Variants in PLPP3 observed in about 807,000 individuals in gnomAD.
PLPP3 encodes the protein phospholipid phosphatase 3, also known as PAP2 beta.
In PLPP3, 6 loss-of-function variants were observed where a neutral mutation model predicts 29.6. The ratio of observed to expected loss-of-function variants is 0.20; its 90% CI spans 0.11 to 0.40. The LOEUF (loss-of-function observed/expected upper bound fraction) is 0.40. Among genes scored for constraint, PLPP3 ranks in the 10% least tolerant of loss-of-function variants. The pLI is 1.00. For missense variants in PLPP3, 308 were observed against 407.7 expected (o/e 0.76, Z 2.11); for synonymous variants, 152 against 159.7 (o/e 0.95, Z 0.36).
Position 56,496,389 on chromosome 1 carries a change from C to T in PLPP3, c.*162G>A, listed in dbSNP as rs1442716030. The T allele has an allele frequency of 1.0e-5, 8 of 767,240 alleles. No homozygotes were observed. Among genetic ancestry groups the T allele is most frequent in the Non-Finnish European group, 1.6e-5 (8 of 499,284 alleles). 47.5% of individuals were successfully genotyped at this position (767,240 alleles called of 1,614,324 possible). A position where few individuals can be genotyped will look rare whatever the true frequency, so the allele number is the denominator to read the frequency against. On this transcript the variant is annotated 3_prime_UTR_variant, in exon 6 of 6. Transcript: ENST00000371250. ...TTGTTTCCACATAGGCAAACACTAC[C>T]TATTTTGGAAGGCCACATAGTAAAA...
chr1:56,573,205 T>A (rs2100311657), intron 1 of PLPP3, among the ~76,000 whole-genome samples: 1 of 152,244 alleles, frequency 6.6e-6, no homozygotes. Flanking sequence ...TTACATAGAG[T>A]TCGGTTTACA....
intron 4 of PLPP3, among the ~76,000 whole-genome samples, chr1:56,520,762 T>A (rs1456587618): frequency 1.3e-5 from 2 of 148,710 alleles, no homozygotes; most frequent in African/African-American, 5.0e-5. Flanking sequence ...AATACAAAAA[T>A]TTGCTGGGTG....
intron 5 of PLPP3, among the ~76,000 whole-genome samples, chr1:56,509,501 C>A (rs1390213363): frequency 3.9e-5 from 6 of 152,102 alleles, no homozygotes; most frequent in Admixed American, 3.9e-4. Flanking sequence ...GAGCTAGTTA[C>A]TTCTGTAAAA....
intron 1 of PLPP3, among the ~76,000 whole-genome samples, chr1:56,574,378 A>C (rs1557518634): frequency 6.6e-6 from 1 of 151,772 alleles, no homozygotes; most frequent in Non-Finnish European, 1.5e-5. Context: ...GCCTCCCAAG[A>C]AGCTGGGCTA....
chr1:56,563,475 T>C (rs1243245144), intron 1 of PLPP3, among the ~76,000 whole-genome samples: 1 of 152,220 alleles, frequency 6.6e-6, no homozygotes, highest in Non-Finnish European at 1.5e-5. Context: ...AGAAAAGATA[T>C]TCCATTTCTG....
intron 4 of PLPP3, among the ~76,000 whole-genome samples, chr1:56,517,300 G>A (rs1276068688): frequency 6.6e-6 from 1 of 152,156 alleles, no homozygotes; most frequent in Non-Finnish European, 1.5e-5. Context: ...GTGCCTGGTG[G>A]GTAGCTTGCA....
At chr1:56,521,234 CA>C (rs765448174) in intron 4 of PLPP3, among the ~76,000 whole-genome samples, 1,306 of 54,802 alleles carry the variant, frequency 0.024, 6 homozygotes, top group African/African-American at 0.082. Flanking sequence ...GACTCTGTCT[CA>C]AAAAAAAAAA....
At chr1:56,559,123 G>A (rs1009257284) in intron 1 of PLPP3, among the ~76,000 whole-genome samples, 2 of 152,260 alleles carry the variant, frequency 1.3e-5, no homozygotes, top group East Asian at 1.9e-4. Flanking sequence ...AGTAGTGAGG[G>A]GGTAGGGTGA....
intron 1 of PLPP3, among the ~76,000 whole-genome samples, chr1:56,547,391 CT>C (rs1379176768): frequency 6.6e-6 from 1 of 152,124 alleles, no homozygotes; most frequent in Non-Finnish European, 1.5e-5. Flanking sequence ...TTTCTCCCCA[CT>C]TTCTAAATTT....
At position 56,532,018 on chromosome 1, in the gene PLPP3, G is replaced by A. The variant is rs975916871; in HGVS notation, c.297+4937C>T. On this transcript the variant is annotated intron_variant, in intron 2 of 5. Coordinates refer to ENST00000371250, the MANE Select transcript of PLPP3 (RefSeq NM_003713.5). ...CATATCATCACCTCCGTATTGATAC[G>A]TTTTTCAAATAGTCATGAATCCCTA... Among the ~76,000 whole-genome samples, 14 of 152,122 alleles carry A rather than the reference G, an allele frequency of 9.2e-5. 1 individual carries two copies. The highest frequency in any genetic ancestry group is 5.2e-4 in the Admixed American group (8 of 15,266).
At chr1:56,547,362 T>C (rs1486487214) in intron 1 of PLPP3, among the ~76,000 whole-genome samples, 3 of 152,018 alleles carry the variant, frequency 2.0e-5, no homozygotes, top group Non-Finnish European at 2.9e-5. Flanking sequence ...CCAAATACAC[T>C]CTAGGACTTG....
chr1:56,502,574 A>T (rs1261364737), intron 5 of PLPP3, among the ~76,000 whole-genome samples: 1 of 152,252 alleles, frequency 6.6e-6, no homozygotes, highest in Non-Finnish European at 1.5e-5. Context: ...GGAGATGAAC[A>T]GATGGGCTCA....
rs528326840 is a variant in PLPP3, at chr1:56,530,672, C to T, written c.298-6118G>A. On this transcript the variant is annotated intron_variant, in intron 2 of 5. Transcript: ENST00000371250. ...ACTGTGGTTCAGGCCTCATCTTTAC[C>T]TTAATTAGAAAATTGACCAAGCTCA... Among the ~76,000 whole-genome samples the T allele has an allele frequency of 2.7e-4, 41 of 152,290 alleles. No homozygotes were observed. The Middle Eastern group carries it at 0.017, about 63-fold the overall frequency.
At position 56,524,161 on chromosome 1, in the gene PLPP3, G is replaced by C; in HGVS notation, c.575+116C>G. 1 of 1,270,878 alleles carries C rather than the reference G, an allele frequency of 7.9e-7. No homozygotes were observed. The highest frequency in any genetic ancestry group is 2.8e-4 in the Middle Eastern group (1 of 3,532). 78.7% of individuals were successfully genotyped at this position (1,270,878 alleles called of 1,614,324 possible). ...AATCATCTGACTGTGAGTTCCTCAA[G>C]AATAGGAACTATGCCTTATTCACCC... On this transcript the variant is annotated intron_variant, in intron 3 of 5. Transcript: ENST00000371250. This position sits in a 1 kb window ranked among gnomAD's most constrained non-coding sequence, Gnocchi z 4.3.
chr1:56,531,107 A>G (rs1016128199), intron 2 of PLPP3, among the ~76,000 whole-genome samples: 6 of 152,190 alleles, frequency 3.9e-5, no homozygotes, highest in Non-Finnish European at 8.8e-5. Context: ...TGAAAATTAT[A>G]TGAGACGAGT....
chr1:56,561,634 A>T (rs1003246158), intron 1 of PLPP3, among the ~76,000 whole-genome samples: 1 of 152,110 alleles, frequency 6.6e-6, no homozygotes, highest in Admixed American at 6.5e-5. Context: ...ACTTTTTTTC[A>T]ATGAAAATTT....
Position 56,501,370 on chromosome 1 carries a change from T to C in PLPP3, c.811-4694A>G, listed in dbSNP as rs146321656. Reference sequence around the variant, plus strand: ...ACTCTGCTTTCCTATGCCTGTGACATTGTCTTGGGGGAGTGATTGCCCCCC... The same window carrying C: ...ACTCTGCTTTCCTATGCCTGTGACACTGTCTTGGGGGAGTGATTGCCCCCC... On this transcript the variant is annotated intron_variant, in intron 5 of 5. Coordinates refer to ENST00000371250, the MANE Select transcript of PLPP3 (RefSeq NM_003713.5). 6.2e-3 allele frequency among the ~76,000 whole-genome samples: 950 copies of C among 152,318 alleles called. 8 individuals carry two copies. The highest frequency in any genetic ancestry group is 0.022 in the African/African-American group (910 of 41,570).
chr1:56,503,754 G>A (rs536207265), intron 5 of PLPP3, among the ~76,000 whole-genome samples: 35 of 152,290 alleles, frequency 2.3e-4, no homozygotes, highest in Admixed American at 3.9e-4. Context: ...AAAACACTTT[G>A]TAGCTATGAA....
intron 1 of PLPP3, among the ~76,000 whole-genome samples, chr1:56,551,784 A>G (rs536066923): frequency 6.6e-6 from 1 of 152,336 alleles, no homozygotes; most frequent in East Asian, 1.9e-4. Context: ...ACTATACAAA[A>G]TACTGAAAAG....
Sources: allele counts gnomAD v4.1 joint callset (sites outside exome capture counted in the v4.1 genomes callset), GRCh38; gene constraint gnomAD v4.1.1; non-coding constraint Gnocchi (gnomAD v3.1); transcripts MANE v1.5; gene names NCBI Gene and HGNC (gene_info 2026-07-23, HGNC 2026-07-21).